The following CFAP36 variants were observed in gnomAD, a reference collection of about 807,000 sequenced individuals.
CFAP36 encodes cilia and flagella associated protein 36, also known as cilia- and flagella-associated protein 36.
A neutral mutation model predicts 50.5 loss-of-function variants in CFAP36; 37 were observed. The observed-to-expected ratio is 0.73, with a 90% confidence interval of 0.56 to 0.96. CFAP36 has a LOEUF of 0.96. Ranked by LOEUF, CFAP36 falls within the 50% of genes least tolerant of loss-of-function variation. The probability of loss-of-function intolerance (pLI) is 0.00; values close to 1 mark genes in which losing one functional copy is unlikely to be tolerated. For synonymous variants in CFAP36, 138 were observed against 128.2 expected, an observed-to-expected ratio of 1.08 and a Z score of -0.52; for missense variants, 407 against 396.2, an observed-to-expected ratio of 1.03 and a Z score of -0.23.
At position 55,523,761 on chromosome 2, in the gene CFAP36, TTAA is replaced by T; in HGVS notation, c.223_225del (p.Asn75del). ...GAAGGTTACCTCAAAGAAATTGGAA[TTAA>T]TGAAGATCAATTTCAAGAAGCATGC... On this transcript the variant is annotated inframe_deletion, in exon 3 of 10. Transcript: ENST00000349456. 1 of 1,608,810 alleles carries T rather than the reference TTAA, an allele frequency of 6.2e-7. No homozygotes were observed. Among genetic ancestry groups the T allele is most frequent in the Non-Finnish European group, 8.5e-7 (1 of 1,176,782 alleles).
intron 4 of CFAP36, among the ~76,000 whole-genome samples, 167 bp from the exon 5 acceptor site, chr2:55,533,706 A>T (rs370265229): frequency 0.034 from 4,724 of 140,172 alleles, 192 homozygotes; most frequent in African/African-American, 0.092. Context: ...AAAAAAAAAA[A>T]AAATATATAT....
chr2:55,523,258 A>G (rs1684119918), intron 2 of CFAP36, among the ~76,000 whole-genome samples: 2 of 151,876 alleles, frequency 1.3e-5, no homozygotes, highest in Admixed American at 1.3e-4. Context: ...CAAAAAAAAA[A>G]AAAAAAATTA....
chr2:55,544,169 A>G, intron 8 of CFAP36, 51 bp from the exon 9 acceptor site: 5 of 1,609,074 alleles, frequency 3.1e-6, no homozygotes, highest in Non-Finnish European at 3.4e-6. Context: ...CATCTGTGCT[A>G]CTTACTAAAT....
At chr2:55,520,417 G>T in intron 1 of CFAP36, 1 of 1,547,204 alleles carries the variant, frequency 6.5e-7, no homozygotes, top group Non-Finnish European at 8.7e-7. Flanking sequence ...AACTGCAAAG[G>T]AGGGCATGTG....
At chr2:55,521,981 C>G (rs1341861216) in intron 1 of CFAP36, 121 bp from the exon 2 acceptor site, 4 of 567,326 alleles carry the variant, frequency 7.1e-6, no homozygotes, top group South Asian at 2.3e-5. Flanking sequence ...AAAGATAAAC[C>G]CTAAGAATTC....
At position 55,524,896 on chromosome 2, in the gene CFAP36, C is replaced by G. The variant is rs368245442; in HGVS notation, c.282+1074C>G. 8.3e-4 allele frequency among the ~76,000 whole-genome samples: 126 copies of G among 151,680 alleles called. 1 individual carries two copies. The highest frequency in any genetic ancestry group is 2.4e-3 in the African/African-American group (100 of 41,412). ...CTTGGGAGGCTGAGGCAGGAGAATC[C>G]CTTGAACCCGGGAGGCGGAGGTTGT... On this transcript the variant is annotated intron_variant, in intron 3 of 9. Transcript: ENST00000349456.
chr2:55,521,595 A>ATGTG lies in CFAP36; in HGVS notation c.116-483_116-480dup, dbSNP rs60921606. Among the ~76,000 whole-genome samples the ATGTG allele has an allele frequency of 6.4e-4, 94 of 146,210 alleles. No homozygotes were observed. In the East Asian group the frequency reaches 8.5e-3, roughly 13 times the overall value. ...AGCTTGTTTACAATTAATAGTATAT[A>ATGTG]TGTGTGTGTGTGTGTGTGTGTGTGT... On this transcript the variant is annotated intron_variant, in intron 1 of 9. Transcript: ENST00000349456.
At chr2:55,538,802 G>A (rs1429277355) in intron 7 of CFAP36, 9 of 1,543,330 alleles carry the variant, frequency 5.8e-6, no homozygotes, top group African/African-American at 4.2e-5. Flanking sequence ...CAAGATCACC[G>A]AACTCTTCAA....
chr2:55,534,006 T>C (rs1441962553), intron 5 of CFAP36, 46 bp downstream of exon 5: 3 of 1,174,384 alleles, frequency 2.6e-6, no homozygotes, highest in Non-Finnish European at 2.5e-6. Context: ...ATTAATATTA[T>C]ATGATCTGTA....
chr2:55,523,752 A>C lies in CFAP36; in HGVS notation c.212A>C (p.Glu71Ala), dbSNP rs1002356320. The change falls in exon 3 of 10, where the codon GAA becomes GCA. Residue 71 changes from glutamate to alanine, a missense_variant. Physicochemically the swap from Glu to Ala is moderately radical, Grantham distance 107. Coordinates refer to ENST00000349456, the MANE Select transcript of CFAP36 (RefSeq NM_080667.7). Reference sequence around the variant, plus strand: ...AAGCTGTTAGAAGGTTACCTCAAAGAAATTGGAATTAATGAAGATCAATTT... The same window carrying C: ...AAGCTGTTAGAAGGTTACCTCAAAGCAATTGGAATTAATGAAGATCAATTT... ...VEKLLEGYLKEIGINEDQFQE... is the reference protein window; with the variant it reads ...VEKLLEGYLKAIGINEDQFQE... 6.2e-7 allele frequency: 1 copy of C among 1,607,718 alleles called. No individual in the cohort carries two copies. Among genetic ancestry groups the C allele is most frequent in the African/African-American group, 1.3e-5 (1 of 74,812 alleles).
intron 6 of CFAP36, among the ~76,000 whole-genome samples, chr2:55,536,352 T>TA (rs1684487477): frequency 6.6e-6 from 1 of 152,050 alleles, no homozygotes; most frequent in South Asian, 2.1e-4. Flanking sequence ...AGGCTGGTCT[T>TA]AAACTCCTGA....
chr2:55,525,874 G>A (rs547326155), intron 3 of CFAP36, among the ~76,000 whole-genome samples: 28 of 152,280 alleles, frequency 1.8e-4, no homozygotes, highest in African/African-American at 4.3e-4. Context: ...CGATCCACCC[G>A]CCTCGGCCTC....
chr2:55,521,668 C>T (rs1305521271), intron 1 of CFAP36, among the ~76,000 whole-genome samples: 4 of 147,304 alleles, frequency 2.7e-5, no homozygotes, highest in Admixed American at 1.4e-4. Context: ...CTCACTCTGC[C>T]GCCCAGGCTG....
intron 5 of CFAP36, 141 bp downstream of exon 5, chr2:55,534,101 G>A: frequency 2.0e-6 from 1 of 500,504 alleles, no homozygotes; most frequent in Non-Finnish European, 3.6e-6. Context: ...ATCAATTTAT[G>A]ACTGTGGATA....
At chr2:55,524,422 A>ATTTTTTTTT (rs57908457) in intron 3 of CFAP36, among the ~76,000 whole-genome samples, 2 of 99,366 alleles carry the variant, frequency 2.0e-5, no homozygotes, top group African/African-American at 4.6e-5. Flanking sequence ...CACATGGCTA[A>ATTTTTTTTT]TTTTTTTTTT....
intron 3 of CFAP36, among the ~76,000 whole-genome samples, chr2:55,524,534 A>G (rs901181183): frequency 6.8e-6 from 1 of 146,796 alleles, no homozygotes; most frequent in African/African-American, 2.6e-5. Context: ...CCAAAGTGCT[A>G]GGATTACAGG....
intron 3 of CFAP36, among the ~76,000 whole-genome samples, chr2:55,524,741 G>A (rs1053933140): frequency 6.6e-6 from 1 of 151,892 alleles, no homozygotes; most frequent in Non-Finnish European, 1.5e-5. Context: ...CAGTACTTTG[G>A]GAGGCCGAGG....
chr2:55,542,972 C>T lies in CFAP36; in HGVS notation c.641-966C>T, dbSNP rs796504046. ...CCTTCAACCTCTCTGGCACTGTAGTCAGTCTGGTCACTGCTAGAGGAGTGG... is the reference window on the plus strand; with the variant it reads ...CCTTCAACCTCTCTGGCACTGTAGTTAGTCTGGTCACTGCTAGAGGAGTGG... On this transcript the variant is annotated intron_variant, in intron 7 of 9. Coordinates refer to ENST00000349456, the MANE Select transcript of CFAP36 (RefSeq NM_080667.7). Among the ~76,000 whole-genome samples, 5 of 152,272 alleles carry T rather than the reference C, an allele frequency of 3.3e-5. No homozygotes were observed. In the South Asian group the frequency reaches 8.3e-4, roughly 25 times the overall value.
At chr2:55,538,614 A>G in intron 7 of CFAP36, 1 of 580,762 alleles carries the variant, frequency 1.7e-6, no homozygotes, top group Non-Finnish European at 3.0e-6. Context: ...TTTTTAAAAA[A>G]ATTATTTTTG....
Sources: gnomAD v4.1 joint callset for allele counts (sites outside exome capture counted in the v4.1 genomes callset) on GRCh38, gnomAD v4.1.1 for gene constraint, MANE v1.5 for transcripts, NCBI Gene and HGNC (gene_info 2026-07-23, HGNC 2026-07-21) for gene names.